FAM13A: variants seen among roughly 807,000 people sequenced by gnomAD.
FAM13A encodes the protein protein FAM13A.
In FAM13A, 76 loss-of-function variants were observed where a neutral mutation model predicts 129.6. The observed-to-expected ratio is 0.59, with a 90% CI of 0.49 to 0.71. The LOEUF (loss-of-function observed/expected upper bound fraction) is 0.71, where lower values mean the gene tolerates loss of function less well. FAM13A is among the 30% of genes least tolerant of loss of function. FAM13A has a pLI of 0.00. For missense variants in FAM13A, 1,108 were observed against 1,249.3 expected, an observed-to-expected ratio of 0.89 and a Z score of 1.70; for synonymous variants, 443 against 449.9, an observed-to-expected ratio of 0.98 and a Z score of 0.20.
chr4:88,892,142 CCAG>C (rs965207935), intron 6 of FAM13A, among the ~76,000 whole-genome samples: 2 of 150,702 alleles, frequency 1.3e-5, no homozygotes, highest in Non-Finnish European at 2.9e-5. Flanking sequence ...CTGCTGCACT[CCAG>C]CCTGGGCCAG....
intron 16 of FAM13A, 125 bp from the exon 17 acceptor site, chr4:88,749,158 C>T (rs960203008): frequency 1.4e-6 from 1 of 731,248 alleles, no homozygotes; most frequent in Non-Finnish European, 2.5e-6. Context: ...AGAAATTAAA[C>T]ACGACCAATC....
In FAM13A at chr4:88,790,616, G is replaced by C; in HGVS notation, c.1061C>G (p.Pro354Arg). Residue 354 changes from proline (P) to arginine (R), a missense_variant, in exon 9 of 24, where the codon CCC becomes CGC. Pro to Arg is a moderately radical substitution (Grantham distance 103, BLOSUM62 -2). Around this residue, in one of 3 missense-constraint regions of FAM13A, gnomAD observed 566 missense variants for 595.7 expected, o/e 0.95. Coordinates refer to ENST00000264344, the MANE Select transcript of FAM13A (RefSeq NM_014883.4). ...LSPFYLSAHV[P>R]QVSNVSATGE... Reference sequence around the variant, plus strand: ...GGTTGCAGACACATTGCTGACTTGGGGTACATGAGCACTGCAGAAAAGAAG... The same window carrying C: ...GGTTGCAGACACATTGCTGACTTGGCGTACATGAGCACTGCAGAAAAGAAG... 6.2e-7 allele frequency: 1 copy of C among 1,611,614 alleles called. No homozygotes were observed. The highest frequency in any genetic ancestry group is 8.5e-7 in the Non-Finnish European group (1 of 1,178,840).
chr4:88,729,188 C>T (rs1737082023), intron 23 of FAM13A: 1 of 151,828 alleles, frequency 6.6e-6, no homozygotes, highest in Non-Finnish European at 1.5e-5. Context: ...AGTAACTTTA[C>T]ATACATAATA....
intron 6 of FAM13A, among the ~76,000 whole-genome samples, chr4:88,880,012 G>A (rs1743257762): frequency 6.6e-6 from 1 of 152,096 alleles, no homozygotes; most frequent in East Asian, 1.9e-4. Flanking sequence ...AAATACTTAA[G>A]TCACACCTAC....
chr4:88,922,329 A>G (rs1751259392), intron 5 of FAM13A, among the ~76,000 whole-genome samples: 1 of 152,250 alleles, frequency 6.6e-6, no homozygotes, highest in South Asian at 2.1e-4. Context: ...AATGTAAAAG[A>G]TCAGACATTA....
intron 7 of FAM13A, among the ~76,000 whole-genome samples, chr4:88,827,792 A>ATTAGTCAACATCCTACCATGC (rs1733262842): frequency 6.6e-6 from 1 of 152,176 alleles, no homozygotes; most frequent in Non-Finnish European, 1.5e-5. Context: ...ACATTCCACT[A>ATTAGTCAACATCCTACCATGC]TTAGTCAACA....
chr4:88,909,306 C>T (rs1201409902), intron 5 of FAM13A, among the ~76,000 whole-genome samples: 1 of 152,044 alleles, frequency 6.6e-6, no homozygotes, highest in African/African-American at 2.4e-5. Context: ...CATGAATGAA[C>T]CTTGAAAACA....
chr4:88,975,736 A>G (rs1227699637), intron 4 of FAM13A, among the ~76,000 whole-genome samples: 1 of 152,220 alleles, frequency 6.6e-6, no homozygotes, highest in Non-Finnish European at 1.5e-5. Context: ...GTTGTACTTA[A>G]CAACGGACTC....
intron 6 of FAM13A, among the ~76,000 whole-genome samples, chr4:88,894,267 A>G (rs1383700869): frequency 6.6e-6 from 1 of 152,212 alleles, no homozygotes; most frequent in African/African-American, 2.4e-5. Flanking sequence ...GTAATAGCAA[A>G]CTATTGGAAG....
At chr4:88,927,774 A>G (rs761307367) in intron 5 of FAM13A, among the ~76,000 whole-genome samples, 61 of 151,706 alleles carry the variant, frequency 4.0e-4, no homozygotes, top group Admixed American at 2.9e-3. Context: ...TAGTCTAGTG[A>G]GTGGTCTATC....
At chr4:88,909,682 TCTCC>T (rs1328791015) in intron 5 of FAM13A, among the ~76,000 whole-genome samples, 1 of 152,140 alleles carries the variant, frequency 6.6e-6, no homozygotes, top group African/African-American at 2.4e-5. Flanking sequence ...AGATGAGGTT[TCTCC>T]ATGTTGGCCA....
intron 5 of FAM13A, among the ~76,000 whole-genome samples, chr4:88,927,484 A>AG (rs1425769887): frequency 3.1e-5 from 2 of 63,950 alleles, no homozygotes; most frequent in Non-Finnish European, 3.9e-5. Flanking sequence ...ATCTGGTTCT[A>AG]GGTTTTTTTT....
intron 1 of FAM13A, among the ~76,000 whole-genome samples, chr4:89,041,716 T>A (rs775966496): frequency 5.7e-4 from 87 of 151,908 alleles, no homozygotes; most frequent in South Asian, 2.3e-3. Context: ...AGCCCAGGAG[T>A]TCGAGACCAG....
At chr4:88,735,151 A>G (rs1393600661) in intron 21 of FAM13A, among the ~76,000 whole-genome samples, 1 of 152,182 alleles carries the variant, frequency 6.6e-6, no homozygotes, top group African/African-American at 2.4e-5. Flanking sequence ...CTGTAAATAC[A>G]GGCAGTGCTC....
chr4:88,751,624 A>AT (rs936764857), intron 14 of FAM13A, among the ~76,000 whole-genome samples: 3 of 151,898 alleles, frequency 2.0e-5, no homozygotes, highest in African/African-American at 7.3e-5. Context: ...AAAAAAAAAA[A>AT]AACACGCTCA....
intron 7 of FAM13A, among the ~76,000 whole-genome samples, chr4:88,827,912 T>G (rs1305887793): frequency 1.3e-5 from 2 of 152,148 alleles, no homozygotes; most frequent in African/African-American, 2.4e-5. Context: ...ATTAGAACAT[T>G]CCACCTATTA....
chr4:89,039,950 C>T (rs1233455787), intron 1 of FAM13A, among the ~76,000 whole-genome samples: 1 of 150,774 alleles, frequency 6.6e-6, no homozygotes, highest in Non-Finnish European at 1.5e-5. Flanking sequence ...AAGACACTGT[C>T]TCTTTAAAAA....
chr4:88,904,613 T>A (rs1747840334), intron 6 of FAM13A, among the ~76,000 whole-genome samples: 2 of 152,048 alleles, frequency 1.3e-5, no homozygotes, highest in African/African-American at 4.8e-5. Context: ...CTGGGACCCG[T>A]CAGTGGGGTG....
chr4:88,964,267 A>C (rs1759043343), intron 4 of FAM13A, among the ~76,000 whole-genome samples: 1 of 152,230 alleles, frequency 6.6e-6, no homozygotes, highest in African/African-American at 2.4e-5. Flanking sequence ...GAAGTACTTC[A>C]GAGAATACCA....
Sources: gnomAD v4.1 joint callset for allele counts (sites outside exome capture counted in the v4.1 genomes callset) on GRCh38, gnomAD v4.1.1 for gene constraint, gnomAD v4.1.1 regional missense constraint, MANE v1.5 for transcripts, NCBI Gene and HGNC (gene_info 2026-07-23, HGNC 2026-07-21) for gene names.